Variants in CYTH4 observed in about 807,000 individuals in gnomAD.
CYTH4 encodes the protein cytohesin-4.
A neutral mutation model predicts 57.5 loss-of-function variants in CYTH4; 22 were observed. The ratio of observed to expected loss-of-function variants is 0.38; its 90% CI spans 0.27 to 0.55. CYTH4 has a LOEUF of 0.55. CYTH4 is among the 20% of genes least tolerant of loss of function. CYTH4 has a pLI of 0.74. For missense variants in CYTH4, 420 were observed against 535.6 expected (o/e 0.78, Z 2.13); for synonymous variants, 186 against 206.5 (o/e 0.90, Z 0.85).
At chr22:37,294,635 C>T (rs556054728) in intron 2 of CYTH4, 25 bp from the exon 3 acceptor site, 1 of 1,613,340 alleles carries the variant, frequency 6.2e-7, no homozygotes, top group Non-Finnish European at 8.5e-7. Context: ...CTGACTCTCC[C>T]TGTCCTGCCC....
At chr22:37,296,269 CAGG>C (rs1928964638) in intron 4 of CYTH4, 2 of 591,062 alleles carry the variant, frequency 3.4e-6, no homozygotes, top group Non-Finnish European at 5.9e-6. Context: ...CGCCTTGGGG[CAGG>C]AGGAGCCAGG....
At chr22:37,308,883 C>T (rs1020991385) in intron 8 of CYTH4, among the ~76,000 whole-genome samples, 14 of 151,714 alleles carry the variant, frequency 9.2e-5, no homozygotes, top group Non-Finnish European at 1.3e-4. Context: ...CGTGTGTGTG[C>T]ACGTGTGTGT....
chr22:37,312,318 T>G, intron 12 of CYTH4, 144 bp downstream of exon 12: 1 of 1,167,706 alleles, frequency 8.6e-7, no homozygotes, highest in Non-Finnish European at 1.2e-6. Flanking sequence ...TCCACCCGTA[T>G]TCCATGGGTA....
At chr22:37,291,704 CTGAG>C (rs1248247656) in intron 1 of CYTH4, among the ~76,000 whole-genome samples, 1 of 152,240 alleles carries the variant, frequency 6.6e-6, no homozygotes, top group South Asian at 2.1e-4. Flanking sequence ...GACTTTCTCT[CTGAG>C]TAATAGGGAG....
intron 4 of CYTH4, among the ~76,000 whole-genome samples, 159 bp from the exon 5 acceptor site, chr22:37,297,405 G>A (rs1437664170): frequency 1.3e-5 from 2 of 152,154 alleles, no homozygotes; most frequent in East Asian, 3.9e-4. Context: ...CCCAAAGGCA[G>A]CTCCTATGAA....
Position 37,314,491 on chromosome 22 carries a change from G to T in CYTH4, c.*980G>T. ...GGAGGGCTGCCTGGAGGCAGTGGCT[G>T]AGCCAGAAAGTAACACAGAGCTCAT... is the stretch of plus-strand genomic sequence containing the variant. On this transcript the variant is annotated 3_prime_UTR_variant, in exon 13 of 13. Transcript: ENST00000248901. 2.5e-6 allele frequency: 1 copy of T among 398,632 alleles called. No individual in the cohort carries two copies. The highest frequency in any genetic ancestry group is 4.4e-6 in the Non-Finnish European group (1 of 226,090). 24.7% of individuals were successfully genotyped at this position (398,632 alleles called of 1,614,324 possible). A position where few individuals can be genotyped will look rare whatever the true frequency, so the allele number is the denominator to read the frequency against.
chr22:37,287,239 G>C (rs4566465), intron 1 of CYTH4, among the ~76,000 whole-genome samples: 87,989 of 151,722 alleles, frequency 0.58, 25,813 homozygotes, highest in South Asian at 0.78. Flanking sequence ...TGGGAGCCAG[G>C]AGCTGATGAA....
rs1929025222 is a variant in CYTH4 at position 37,297,630 on chromosome 22, T to C, written c.301T>C (p.Tyr101His). The part of the protein sequence containing the change: ...PDVQDIARFL[Y>H]KGEGLNKTAI... ...CGTCCAGGACATTGCACGGTTCCTG[T>C]ATAAAGGCGAGGGCCTCAACAAGAC... The change falls in exon 5 of 13, where the codon TAT becomes CAT. Residue 101 changes from tyrosine to histidine, a missense_variant. Transcript: ENST00000248901. 8 of 1,613,938 alleles carry C rather than the reference T, an allele frequency of 5.0e-6. No homozygotes were observed. Among genetic ancestry groups the C allele is most frequent in the East Asian group, 2.2e-5 (1 of 44,876 alleles).
chr22:37,310,194 A>ATCC (rs1338681708), intron 9 of CYTH4, among the ~76,000 whole-genome samples: 2 of 151,900 alleles, frequency 1.3e-5, no homozygotes, highest in African/African-American at 4.8e-5. Context: ...ACCCCAGTCC[A>ATCC]TCCTCCTCCA....
rs3213556 is a variant in CYTH4 at position 37,282,510 on chromosome 22, A to G, written c.-60A>G. On this transcript the variant is annotated 5_prime_UTR_variant, in exon 1 of 13. Coordinates refer to ENST00000248901, the MANE Select transcript of CYTH4 (RefSeq NM_013385.5). ...ACGCATCCTTGCCGGGCCAGCCCGA[A>G]CAGCAGCTGGGTCGGCAAGCGACAG... The G allele has an allele frequency of 0.74, 1,193,002 of 1,610,702 alleles. 447,070 individuals are homozygous for G. The highest frequency in any genetic ancestry group is 0.88 in the African/African-American group (66,010 of 74,916).
At chr22:37,296,810 C>T (rs184936563) in intron 4 of CYTH4, among the ~76,000 whole-genome samples, 149 of 152,268 alleles carry the variant, frequency 9.8e-4, no homozygotes, top group African/African-American at 3.2e-3. Flanking sequence ...ACCCAGCACC[C>T]AGGGGTGTCC....
chr22:37,285,659 C>A (rs1462465127), intron 1 of CYTH4, among the ~76,000 whole-genome samples: 3 of 151,968 alleles, frequency 2.0e-5, no homozygotes, highest in African/African-American at 7.3e-5. Flanking sequence ...TGCAGTGAGC[C>A]GAGATCAGGC....
At chr22:37,306,832 A>G (rs1289640477) in intron 8 of CYTH4, among the ~76,000 whole-genome samples, 1 of 152,182 alleles carries the variant, frequency 6.6e-6, no homozygotes, top group Non-Finnish European at 1.5e-5. Flanking sequence ...CCTCCTCCTC[A>G]GCTGTTTCAG....
Position 37,309,287 on chromosome 22 carries a change from T to G in CYTH4, c.772T>G (p.Phe258Val). The change falls in exon 9 of 13, where the codon TTC becomes GTC. Residue 258 changes from phenylalanine to valine, a missense_variant. Transcript: ENST00000248901. ...DDGNDLTHTFFNPDREGWLLK... is the reference protein window; with the variant it reads ...DDGNDLTHTFVNPDREGWLLK... ...CGGCAATGACCTCACTCACACCTTC[T>G]TCAATCCAGACCGGGAGGGTTGGCT... is the stretch of plus-strand genomic sequence containing the variant. 2 of 1,614,116 alleles carry G rather than the reference T, an allele frequency of 1.2e-6. No homozygotes were observed. Among genetic ancestry groups the G allele is most frequent in the Non-Finnish European group, 1.7e-6 (2 of 1,179,974 alleles).
Position 37,296,074 on chromosome 22 carries a change from C to T in CYTH4, c.234+9C>T. On this transcript the variant is annotated intron_variant, in intron 4 of 12. Coordinates refer to ENST00000248901, the MANE Select transcript of CYTH4 (RefSeq NM_013385.5). ...ACATGGACCCCGCCAAGGTAGGTGG[C>T]TGTGGAGGGCCCGGGCCACAGGGTG... 1 of 1,611,224 alleles carries T rather than the reference C, an allele frequency of 6.2e-7. No individual in the cohort carries two copies. The highest frequency in any genetic ancestry group is 8.5e-7 in the Non-Finnish European group (1 of 1,178,552).
chr22:37,293,778 G>A (rs889047395), intron 2 of CYTH4, among the ~76,000 whole-genome samples: 2 of 152,110 alleles, frequency 1.3e-5, no homozygotes, highest in African/African-American at 2.4e-5. Flanking sequence ...GAGGTGTTAG[G>A]GGGTCCCCTC....
intron 7 of CYTH4, among the ~76,000 whole-genome samples, chr22:37,302,194 G>A (rs1929209243): frequency 6.6e-6 from 1 of 152,198 alleles, no homozygotes; most frequent in African/African-American, 2.4e-5. Flanking sequence ...TTGTTTGCTT[G>A]TTTATTATCT....
intron 6 of CYTH4, among the ~76,000 whole-genome samples, chr22:37,299,883 C>T (rs1029965356): frequency 1.3e-5 from 2 of 152,084 alleles, no homozygotes; most frequent in East Asian, 1.9e-4. Flanking sequence ...CCCAGCTACT[C>T]GGGAGGCTGA....
At position 37,295,637 on chromosome 22, in the gene CYTH4, A is replaced by G. The variant is rs1928932583; in HGVS notation, c.168-362A>G. Among the ~76,000 whole-genome samples the G allele has an allele frequency of 6.6e-6, 1 of 152,176 alleles. No homozygotes were observed. The highest frequency in any genetic ancestry group is 6.5e-5 in the Admixed American group (1 of 15,280). The stretch of plus-strand genomic sequence containing the variant: ...CAGAGAGAGGAAGTGACTCGCCCAA[A>G]GCAGCCCGGCTCAGATTCGCATCCA... On this transcript the variant is annotated intron_variant, in intron 3 of 12. Transcript: ENST00000248901. The surrounding 1 kb of genome is among the most constrained non-coding windows in gnomAD (Gnocchi z 4.1).
Sources: gnomAD v4.1 joint callset for allele counts (sites outside exome capture counted in the v4.1 genomes callset) on GRCh38, gnomAD v4.1.1 for gene constraint, Gnocchi (gnomAD v3.1) non-coding constraint, MANE v1.5 for transcripts, NCBI Gene and HGNC (gene_info 2026-07-23, HGNC 2026-07-21) for gene names.